Variants in SDK2 observed in about 807,000 individuals in gnomAD.
The protein encoded by SDK2 is sidekick cell adhesion molecule 2, also known as protein sidekick-2.
SDK2 carries 105 observed loss-of-function variants against 253.9 expected under a neutral mutation model. That is an observed-to-expected ratio of 0.41 (90% CI 0.35 to 0.49). The LOEUF is 0.49. Ranked by LOEUF, SDK2 falls within the 20% of genes least tolerant of loss-of-function variation. The pLI, the probability that SDK2 is intolerant of heterozygous loss-of-function variation, is 0.06. For synonymous variants in SDK2, 1,249 were observed against 1,234.9 expected (o/e 1.01, Z -0.24); for missense variants, 2,608 against 3,003.0 (o/e 0.87, Z 3.07).
intron 4 of SDK2, among the ~76,000 whole-genome samples, chr17:73,452,825 AG>A (rs2063498436): frequency 6.6e-6 from 1 of 152,220 alleles, no homozygotes; most frequent in Non-Finnish European, 1.5e-5. Flanking sequence ...AACCTCAGAA[AG>A]GGAGCTGGGA....
Position 73,534,426 on chromosome 17 carries a change from C to T in SDK2, c.65-26829G>A, listed in dbSNP as rs867045601. On this transcript the variant is annotated intron_variant, in intron 1 of 44. Transcript: ENST00000392650. This position sits in a 1 kb window ranked among gnomAD's most constrained non-coding sequence, Gnocchi z 4.9. Reference sequence around the variant, plus strand: ...GAGGCAGTGCTAAAGAGACGATTGCCGACAGATGCCTGACCTCTGAGAGGC... The same window carrying T: ...GAGGCAGTGCTAAAGAGACGATTGCTGACAGATGCCTGACCTCTGAGAGGC... 3.9e-5 allele frequency among the ~76,000 whole-genome samples: 6 copies of T among 151,932 alleles called. No homozygotes were observed. Among genetic ancestry groups the T allele is most frequent in the South Asian group, 2.1e-4 (1 of 4,800 alleles).
intron 1 of SDK2, among the ~76,000 whole-genome samples, chr17:73,509,920 A>AAAAAAAAAAAAAAAAAAAAAAAAAAAAC (rs2063966958): frequency 1.4e-5 from 2 of 146,558 alleles, no homozygotes; most frequent in African/African-American, 2.5e-5. Flanking sequence ...AAAAAAAAAA[A>AAAAAAAAAAAAAAAAAAAAAAAAAAAAC]AAGAAGGAAA....
At chr17:73,537,054 G>A (rs1034222716) in intron 1 of SDK2, among the ~76,000 whole-genome samples, 2 of 152,194 alleles carry the variant, frequency 1.3e-5, no homozygotes, top group African/African-American at 2.4e-5. Flanking sequence ...CTGTGAGGAT[G>A]GATCGTAGCA....
chr17:73,389,903 C>T (rs1004426113), intron 29 of SDK2, among the ~76,000 whole-genome samples: 2 of 152,192 alleles, frequency 1.3e-5, no homozygotes, highest in Admixed American at 6.6e-5. Flanking sequence ...GTGTGTGCCA[C>T]CACGCTGGCT....
intron 1 of SDK2, among the ~76,000 whole-genome samples, chr17:73,604,265 G>C (rs773395867): frequency 2.0e-5 from 3 of 152,228 alleles, no homozygotes; most frequent in Non-Finnish European, 4.4e-5. Flanking sequence ...CCTGCATTCC[G>C]GGCAGGGTGG....
In SDK2 at chr17:73,642,032, C is replaced by G. The variant is rs1200176223; in HGVS notation, c.64+1993G>C. ...GGCAGCCTGACACGCAAAAAGCCAGCAAACAAGAAAGGCAGAGAGGAAGTG... is the reference window on the plus strand; with the variant it reads ...GGCAGCCTGACACGCAAAAAGCCAGGAAACAAGAAAGGCAGAGAGGAAGTG... On this transcript the variant is annotated intron_variant, in intron 1 of 44. Transcript: ENST00000392650. This position sits in a 1 kb window ranked among gnomAD's most constrained non-coding sequence, Gnocchi z 4.7. Among the ~76,000 whole-genome samples, 1 of 152,192 alleles carries G rather than the reference C, an allele frequency of 6.6e-6. No homozygotes were observed. Among genetic ancestry groups the G allele is most frequent in the Non-Finnish European group, 1.5e-5 (1 of 68,036 alleles).
intron 1 of SDK2, among the ~76,000 whole-genome samples, chr17:73,624,894 G>A (rs1474293446): frequency 6.6e-6 from 1 of 152,234 alleles, no homozygotes; most frequent in African/African-American, 2.4e-5. Context: ...TGGTACAACA[G>A]AAGGAAAATC....
intron 1 of SDK2, among the ~76,000 whole-genome samples, chr17:73,581,559 G>C (rs937920285): frequency 6.6e-6 from 1 of 152,256 alleles, no homozygotes; most frequent in Non-Finnish European, 1.5e-5. Context: ...AGTGGGCGCT[G>C]AGCTGTGACC....
At chr17:73,414,953 A>T (rs1297053681) in intron 17 of SDK2, among the ~76,000 whole-genome samples, 194 bp from the exon 18 acceptor site, 1 of 152,216 alleles carries the variant, frequency 6.6e-6, no homozygotes, top group Non-Finnish European at 1.5e-5. Flanking sequence ...GTTTAATAAA[A>T]CTTGCCTGAC....
intron 43 of SDK2, among the ~76,000 whole-genome samples, chr17:73,349,789 G>A (rs1284567183): frequency 1.3e-5 from 2 of 152,154 alleles, no homozygotes; most frequent in Non-Finnish European, 2.9e-5. Flanking sequence ...GCGATAATGC[G>A]GGTGCTCAGG....
intron 1 of SDK2, among the ~76,000 whole-genome samples, chr17:73,525,516 A>G (rs539922976): frequency 6.6e-6 from 1 of 152,294 alleles, no homozygotes; most frequent in South Asian, 2.1e-4. Flanking sequence ...CAATAGGATG[A>G]ATGAGAAGGG....
In SDK2 at chr17:73,541,342, G is replaced by A. The variant is rs571854972; in HGVS notation, c.65-33745C>T. The stretch of plus-strand genomic sequence containing the variant: ...GCCAGGCTCTCCCTGCTGGTGGAGC[G>A]GATGTGGGGCATGGCTAATCCCCAA... On this transcript the variant is annotated intron_variant, in intron 1 of 44. Coordinates refer to ENST00000392650, the MANE Select transcript of SDK2 (RefSeq NM_001144952.2). This position sits in a 1 kb window ranked among gnomAD's most constrained non-coding sequence, Gnocchi z 4.3. Among the ~76,000 whole-genome samples the A allele has an allele frequency of 7.9e-5, 12 of 152,114 alleles. No homozygotes were observed. In the East Asian group the frequency reaches 9.7e-4, roughly 12 times the overall value.
chr17:73,367,882 A>C (rs1599489989), intron 37 of SDK2, among the ~76,000 whole-genome samples: 1 of 151,378 alleles, frequency 6.6e-6, no homozygotes, highest in Non-Finnish European at 1.5e-5. Flanking sequence ...CCATCCACCC[A>C]CTCCTGCCTC....
At chr17:73,483,703 A>ATT (rs1425316119) in intron 2 of SDK2, among the ~76,000 whole-genome samples, 21 of 60,232 alleles carry the variant, frequency 3.5e-4, no homozygotes, top group Non-Finnish European at 4.9e-4. Context: ...ATATATATAT[A>ATT]TATATTTTTT....
intron 1 of SDK2, chr17:73,518,503 C>T (rs1231952932): frequency 8.5e-5 from 13 of 152,180 alleles, no homozygotes; most frequent in Admixed American, 7.2e-4. Context: ...ATAGCCGGGG[C>T]CTCCTGTTTG....
intron 15 of SDK2, among the ~76,000 whole-genome samples, chr17:73,420,992 G>A (rs531455798): frequency 1.3e-5 from 2 of 152,360 alleles, no homozygotes; most frequent in Non-Finnish European, 2.9e-5. Context: ...ACTCAGGGCG[G>A]TTTGCATGAA....
Position 73,435,317 on chromosome 17 carries a change from G to T in SDK2, c.1195+133C>A. 1 of 847,342 alleles carries T rather than the reference G, an allele frequency of 1.2e-6. No homozygotes were observed. The allele number at this position is 847,342 out of a possible 1,614,324, so 52.5% of individuals were successfully genotyped here. A position where few individuals can be genotyped will look rare whatever the true frequency, so the allele number is the denominator to read the frequency against. On this transcript the variant is annotated intron_variant, in intron 9 of 44. Coordinates refer to ENST00000392650, the MANE Select transcript of SDK2 (RefSeq NM_001144952.2). The surrounding 1 kb of genome is among the most constrained non-coding windows in gnomAD (Gnocchi z 5.7). The stretch of plus-strand genomic sequence containing the variant: ...GGCTGTGCCCCCAGGCTGCTGGGCA[G>T]CAGGCGGCCTTTGGGGATCCTATCT...
At chr17:73,419,345 A>T in intron 15 of SDK2, 39 bp from the exon 16 acceptor site, 4 of 1,599,632 alleles carry the variant, frequency 2.5e-6, no homozygotes, top group Non-Finnish European at 3.4e-6. Context: ...TCTTGGGGTC[A>T]AACACAGGAG....
chr17:73,456,987 G>C (rs769575769), intron 3 of SDK2, among the ~76,000 whole-genome samples: 3 of 152,094 alleles, frequency 2.0e-5, no homozygotes, highest in Non-Finnish European at 4.4e-5. Flanking sequence ...CAGAAATGCA[G>C]AGTCTCAGGC....
Sources: gnomAD v4.1 joint callset for allele counts (sites outside exome capture counted in the v4.1 genomes callset) on GRCh38, gnomAD v4.1.1 for gene constraint, Gnocchi (gnomAD v3.1) non-coding constraint, MANE v1.5 for transcripts, NCBI Gene and HGNC (gene_info 2026-07-23, HGNC 2026-07-21) for gene names.